LYST: variants seen among roughly 807,000 people sequenced by gnomAD.
The protein encoded by LYST is lysosomal trafficking regulator.
Under a neutral mutation model 413.6 loss-of-function variants are expected in LYST, and 192 were observed. The ratio of observed to expected loss-of-function variants is 0.46; its 90% CI spans 0.41 to 0.52. LYST has a LOEUF of 0.52. Ranked by LOEUF, LYST falls within the 20% of genes least tolerant of loss-of-function variation. LYST has a pLI of 0.00. For synonymous variants in LYST, 1,525 were observed against 1,567.3 expected, an observed-to-expected ratio of 0.97 and a Z score of 0.64; for missense variants, 3,815 against 4,499.9, an observed-to-expected ratio of 0.85 and a Z score of 4.35.
intron 1 of LYST, among the ~76,000 whole-genome samples, chr1:235,877,954 A>G (rs1171170645): frequency 6.6e-6 from 1 of 152,134 alleles, no homozygotes; most frequent in Non-Finnish European, 1.5e-5. Context: ...TATCAAGAAG[A>G]CAGGGCAACA....
Position 235,764,549 on chromosome 1 carries a change from GA to G in LYST, c.6121+1529del, listed in dbSNP as rs371892925. ...AGGTTTGCTCTTGTCACCCAGGCTGGAGTGCAATGGCACATTCTCACCTAAC... is the reference window on the plus strand; with the variant it reads ...AGGTTTGCTCTTGTCACCCAGGCTGGGTGCAATGGCACATTCTCACCTAAC... On this transcript the variant is annotated intron_variant, in intron 21 of 52. Transcript: ENST00000389793. Among the ~76,000 whole-genome samples, 1,174 of 141,784 alleles carry G rather than the reference GA, an allele frequency of 8.3e-3. 9 individuals carry two copies. The highest frequency in any genetic ancestry group is 0.03 in the African/African-American group (1,107 of 37,194). 93.0% of individuals were successfully genotyped at this position (141,784 alleles called of 152,430 possible).
chr1:235,828,756 A>G, intron 3 of LYST: 1 of 911,076 alleles, frequency 1.1e-6, no homozygotes, highest in Non-Finnish European at 1.3e-6. Flanking sequence ...CATGGTGTAC[A>G]TATTAAATAA....
At chr1:235,691,388 T>C (rs191829381) in intron 47 of LYST, among the ~76,000 whole-genome samples, 1 of 152,334 alleles carries the variant, frequency 6.6e-6, no homozygotes, top group African/African-American at 2.4e-5. Context: ...GCTGGGACAC[T>C]AACAAAGATC....
chr1:235,830,129 C>A, intron 3 of LYST, 97 bp downstream of exon 3: 2 of 883,744 alleles, frequency 2.3e-6, no homozygotes, highest in Non-Finnish European at 3.7e-6. Context: ...TGGACTTTAT[C>A]TCAAGGAGGC....
chr1:235,723,012 T>C (rs1394731441), intron 39 of LYST, among the ~76,000 whole-genome samples: 2 of 152,180 alleles, frequency 1.3e-5, no homozygotes, highest in African/African-American at 4.8e-5. Context: ...ACCAGGATGG[T>C]AGCAGTGGAA....
intron 50 of LYST, among the ~76,000 whole-genome samples, chr1:235,673,962 A>G (rs1169321313): frequency 6.6e-6 from 1 of 152,116 alleles, no homozygotes; most frequent in African/African-American, 2.4e-5. Context: ...AGAGACCCAA[A>G]TCGTCCCCTT....
intron 28 of LYST, among the ~76,000 whole-genome samples, chr1:235,749,232 T>A (rs980871888): frequency 2.0e-5 from 3 of 152,186 alleles, no homozygotes; most frequent in Admixed American, 6.5e-5. Context: ...AAAGCCAATA[T>A]ACTTTTGAAG....
chr1:235,864,022 C>T (rs745339578), intron 1 of LYST, among the ~76,000 whole-genome samples: 2 of 152,180 alleles, frequency 1.3e-5, no homozygotes, highest in African/African-American at 4.8e-5. Flanking sequence ...AATGTCTGAT[C>T]GCCCTGGCCT....
intron 47 of LYST, among the ~76,000 whole-genome samples, chr1:235,689,345 T>C (rs1300453347): frequency 6.6e-6 from 1 of 152,226 alleles, no homozygotes; most frequent in Non-Finnish European, 1.5e-5. Context: ...TTATTTGTGA[T>C]AACACAAATG....
intron 1 of LYST, among the ~76,000 whole-genome samples, chr1:235,878,925 G>A (rs1412793887): frequency 1.3e-5 from 2 of 152,104 alleles, no homozygotes. Context: ...AAGTGCAATT[G>A]TATTACATGG....
chr1:235,732,037 A>G (rs575959260), intron 34 of LYST, among the ~76,000 whole-genome samples: 10 of 152,282 alleles, frequency 6.6e-5, no homozygotes, highest in African/African-American at 1.2e-4. Context: ...TACCCTAAAC[A>G]TACCAAAATA....
intron 26 of LYST, 92 bp downstream of exon 26, chr1:235,752,952 G>C: frequency 2.8e-6 from 2 of 708,974 alleles, no homozygotes. Flanking sequence ...TCTTACATAG[G>C]TAAACTCATG....
chr1:235,742,613 A>G (rs1206394094), intron 30 of LYST, among the ~76,000 whole-genome samples: 1 of 151,594 alleles, frequency 6.6e-6, no homozygotes, highest in Non-Finnish European at 1.5e-5. Flanking sequence ...AAAAGAAGAC[A>G]TGGACAACGA....
rs1207163603 is a variant in LYST at position 235,767,324 on chromosome 1, T to C, written c.5923-1047A>G. Among the ~76,000 whole-genome samples, 3 of 152,070 alleles carry C rather than the reference T, an allele frequency of 2.0e-5. No homozygotes were observed. The East Asian group carries it at 5.8e-4, about 29-fold the overall frequency. ...AGTACTTAAAATGTAGATGTTAATT[T>C]TGAAACAATTTAGTTCGACTACCTC... On this transcript the variant is annotated intron_variant, in intron 20 of 52. Transcript: ENST00000389793.
chr1:235,878,275 C>G (rs2103241809), intron 1 of LYST, among the ~76,000 whole-genome samples: 1 of 152,280 alleles, frequency 6.6e-6, no homozygotes, highest in South Asian at 2.1e-4. Context: ...CATTCCCACC[C>G]TGAGTGATGA....
chr1:235,816,469 A>AT (rs1332565981), intron 3 of LYST, among the ~76,000 whole-genome samples: 2 of 115,192 alleles, frequency 1.7e-5, no homozygotes, highest in Non-Finnish European at 3.6e-5. Context: ...AAAAATAAAA[A>AT]TAAAAAAAAA....
intron 22 of LYST, among the ~76,000 whole-genome samples, chr1:235,761,351 A>C (rs904555391): frequency 6.6e-6 from 1 of 152,206 alleles, no homozygotes; most frequent in Non-Finnish European, 1.5e-5. Flanking sequence ...AGTATGGAAA[A>C]GGACAGTAGT....
Position 235,780,883 on chromosome 1 carries a change from C to T in LYST, c.5196G>A (p.Val1732=). 1 of 1,516,694 alleles carries T rather than the reference C, an allele frequency of 6.6e-7. No individual in the cohort carries two copies. The highest frequency in any genetic ancestry group is 9.0e-7 in the Non-Finnish European group (1 of 1,112,106). 94.0% of individuals were successfully genotyped at this position (1,516,694 alleles called of 1,614,324 possible). ...AACTTACAATTAAGAGACCAATATC[C>T]ACATCTTTCTTGGTCATAAAAAGTT... is the stretch of plus-strand genomic sequence containing the variant. ...IRELFMTKKD[V]DIGLLIESLS... The change falls in exon 16 of 53, where the codon GTG becomes GTA. Residue 1732 remains valine, a synonymous_variant. Coordinates refer to ENST00000389793, the MANE Select transcript of LYST (RefSeq NM_000081.4).
rs750747229 is a variant in LYST at position 235,805,722 on chromosome 1, G to A, written c.3393+21C>T. ...TATGTATATATATTACATAAGAGTT[G>A]GACTAAGGACAAGGTATTACCTGAT... On this transcript the variant is annotated intron_variant, in intron 6 of 52. Transcript: ENST00000389793. The A allele has an allele frequency of 1.2e-5, 18 of 1,546,444 alleles. No individual in the cohort carries two copies. The East Asian group carries it at 3.8e-4, about 33-fold the overall frequency.
Sources: allele counts gnomAD v4.1 joint callset (sites outside exome capture counted in the v4.1 genomes callset), GRCh38; gene constraint gnomAD v4.1.1; transcripts MANE v1.5; gene names NCBI Gene and HGNC (gene_info 2026-07-23, HGNC 2026-07-21).